The following ETV5 variants were observed in gnomAD, a reference collection of about 807,000 sequenced individuals.
ETV5 encodes the protein ETS variant transcription factor 5, also known as ETS translocation variant 5.
A neutral mutation model predicts 70.0 loss-of-function variants in ETV5; 10 were observed. That is an observed-to-expected ratio of 0.14 (90% CI 0.09 to 0.24). The LOEUF is 0.24. Among genes scored for constraint, ETV5 ranks in the 10% least tolerant of loss-of-function variants. The probability of loss-of-function intolerance (pLI) is 1.00; values close to 1 mark genes in which losing one functional copy is unlikely to be tolerated. For synonymous variants in ETV5, 216 were observed against 242.2 expected (o/e 0.89, Z 1.01); for missense variants, 453 against 651.2 (o/e 0.70, Z 3.31).
Position 186,105,573 on chromosome 3 carries a change from A to C in ETV5, c.133+52T>G. On this transcript the variant is annotated intron_variant, in intron 3 of 12. Coordinates refer to ENST00000306376, the MANE Select transcript of ETV5 (RefSeq NM_004454.3). The surrounding 1 kb of genome is among the most constrained non-coding windows in gnomAD (Gnocchi z 4.5). ...GAAGACAGGGAAGAATCTACACGCT[A>C]CTGTCACTGGGAGCAGGGAAGCCAC... The C allele has an allele frequency of 6.2e-7, 1 of 1,611,112 alleles. No homozygotes were observed. Among genetic ancestry groups the C allele is most frequent in the Non-Finnish European group, 8.5e-7 (1 of 1,177,168 alleles).
chr3:186,085,507 G>A (rs1423430247), intron 5 of ETV5, among the ~76,000 whole-genome samples: 2 of 124,878 alleles, frequency 1.6e-5, no homozygotes, highest in African/African-American at 6.0e-5. Flanking sequence ...AGTAGCCTTC[G>A]TTTTTTTTTT....
intron 1 of ETV5, chr3:186,108,600 C>G (rs1170503571): frequency 2.0e-5 from 24 of 1,226,008 alleles, no homozygotes; most frequent in Admixed American, 2.8e-5. Context: ...TCGGGGCTCT[C>G]GAATCTCCAG....
intron 9 of ETV5, among the ~76,000 whole-genome samples, chr3:186,058,071 T>C (rs1204584402): frequency 6.6e-6 from 1 of 152,208 alleles, no homozygotes; most frequent in African/African-American, 2.4e-5. Flanking sequence ...GGAGAGGATC[T>C]GAAAAGACTT....
At position 186,057,586 on chromosome 3, in the gene ETV5, T is replaced by C; in HGVS notation, c.971-95A>G. The C allele has an allele frequency of 9.4e-7, 1 of 1,068,498 alleles. No homozygotes were observed. Among genetic ancestry groups the C allele is most frequent in the Non-Finnish European group, 1.4e-6 (1 of 690,592 alleles). 66.2% of individuals were successfully genotyped at this position (1,068,498 alleles called of 1,614,324 possible). A position where few individuals can be genotyped will look rare whatever the true frequency, so the allele number is the denominator to read the frequency against. On this transcript the variant is annotated intron_variant, in intron 9 of 12. Coordinates refer to ENST00000306376, the MANE Select transcript of ETV5 (RefSeq NM_004454.3). This position sits in a 1 kb window ranked among gnomAD's most constrained non-coding sequence, Gnocchi z 4.9. ...AAGGACTAGAGTGCAATCCTATCAT[T>C]TCAGATCCTAAGTCCTACTGCTGTA...
In ETV5 at chr3:186,083,846, G is replaced by C. The variant is rs548951489; in HGVS notation, c.233-2671C>G. On this transcript the variant is annotated intron_variant, in intron 5 of 12. Transcript: ENST00000306376. ...ACAAAACATGGCAGGAACAAGAATG[G>C]AAAGTTTCACAGATCTACACTGACA... is the stretch of plus-strand genomic sequence containing the variant. Among the ~76,000 whole-genome samples, 29 of 150,238 alleles carry C rather than the reference G, an allele frequency of 1.9e-4. No individual in the cohort carries two copies. The South Asian group carries it at 2.5e-3, about 13-fold the overall frequency.
chr3:186,064,005 C>T (rs1266451352), intron 9 of ETV5, among the ~76,000 whole-genome samples: 1 of 152,218 alleles, frequency 6.6e-6, no homozygotes, highest in Non-Finnish European at 1.5e-5. Context: ...CCCTCACTGA[C>T]ATAACTCCTA....
Position 186,052,518 on chromosome 3 carries a change from C to A in ETV5, c.1210-387G>T, listed in dbSNP as rs774261889. On this transcript the variant is annotated intron_variant, in intron 11 of 12. Coordinates refer to ENST00000306376, the MANE Select transcript of ETV5 (RefSeq NM_004454.3). This position sits in a 1 kb window ranked among gnomAD's most constrained non-coding sequence, Gnocchi z 4.5. ...GTCAATAAGGAATAATTAGAATGGTCATTCCTGAAACATTAGAAACACACT... is the reference window on the plus strand; with the variant it reads ...GTCAATAAGGAATAATTAGAATGGTAATTCCTGAAACATTAGAAACACACT... 4.6e-5 allele frequency among the ~76,000 whole-genome samples: 7 copies of A among 152,162 alleles called. No homozygotes were observed. The highest frequency in any genetic ancestry group is 1.0e-4 in the Non-Finnish European group (7 of 68,042).
intron 7 of ETV5, among the ~76,000 whole-genome samples, chr3:186,067,414 G>C (rs1713476324): frequency 7.2e-5 from 11 of 152,094 alleles, no homozygotes. Flanking sequence ...CCTTGTGACA[G>C]AGCGAGACTC....
rs377678958 is a variant in ETV5, at chr3:186,047,980, A to G, written c.*659T>C. ...CACACTCAGCCACGTGATTGGGAAG[A>G]GAAAGGGGGCTTGCTCTACTTGGCG... is the stretch of plus-strand genomic sequence containing the variant. On this transcript the variant is annotated 3_prime_UTR_variant, in exon 13 of 13. Transcript: ENST00000306376. The G allele has an allele frequency of 6.9e-5, 16 of 233,456 alleles. No individual in the cohort carries two copies. In the East Asian group the frequency reaches 9.1e-4, roughly 13 times the overall value. 14.5% of individuals were successfully genotyped at this position (233,456 alleles called of 1,614,324 possible). A position where few individuals can be genotyped will look rare whatever the true frequency, so the allele number is the denominator to read the frequency against.
intron 5 of ETV5, among the ~76,000 whole-genome samples, chr3:186,087,560 G>C (rs1714086796): frequency 6.6e-6 from 1 of 152,188 alleles, no homozygotes. Flanking sequence ...TCAAATTTTA[G>C]AAAATCTTTC....
intron 5 of ETV5, among the ~76,000 whole-genome samples, chr3:186,088,914 T>C (rs535667405): frequency 6.6e-6 from 1 of 152,336 alleles, no homozygotes; most frequent in South Asian, 2.1e-4. Flanking sequence ...GGAAAAAAGA[T>C]GTAGATAGGG....
intron 5 of ETV5, among the ~76,000 whole-genome samples, chr3:186,088,751 C>T (rs762614539): frequency 2.0e-5 from 3 of 152,156 alleles, no homozygotes; most frequent in Non-Finnish European, 4.4e-5. Flanking sequence ...CCCTGATTTG[C>T]CCTTAACTTG....
At position 186,052,202 on chromosome 3, in the gene ETV5, C is replaced by T; in HGVS notation, c.1210-71G>A. ...GCCCCATGTTCTCTCCCAATCCCAGCAGAGCCAGTTCTGTAACCTGACTGC... is the reference window on the plus strand; with the variant it reads ...GCCCCATGTTCTCTCCCAATCCCAGTAGAGCCAGTTCTGTAACCTGACTGC... On this transcript the variant is annotated intron_variant, in intron 11 of 12. Transcript: ENST00000306376. This position sits in a 1 kb window ranked among gnomAD's most constrained non-coding sequence, Gnocchi z 4.5. The T allele has an allele frequency of 6.9e-7, 1 of 1,458,212 alleles. No individual in the cohort carries two copies. The highest frequency in any genetic ancestry group is 9.6e-7 in the Non-Finnish European group (1 of 1,041,954). The allele number at this position is 1,458,212 out of a possible 1,614,324, so 90.3% of individuals were successfully genotyped here.
intron 5 of ETV5, chr3:186,095,198 A>C (rs1218739616): frequency 6.6e-6 from 1 of 152,234 alleles, no homozygotes; most frequent in Non-Finnish European, 1.5e-5. Context: ...AACTCATTAG[A>C]GATGACAGGG....
At chr3:186,096,482 C>T (rs1714306134) in intron 5 of ETV5, among the ~76,000 whole-genome samples, 1 of 152,152 alleles carries the variant, frequency 6.6e-6, no homozygotes, top group Non-Finnish European at 1.5e-5. Flanking sequence ...TGGAGAAACA[C>T]AGATATCAGC....
chr3:186,048,283 C>A lies in ETV5; in HGVS notation c.*356G>T, dbSNP rs941029258. On this transcript the variant is annotated 3_prime_UTR_variant, in exon 13 of 13. Transcript: ENST00000306376. Reference sequence around the variant, plus strand: ...GTAAAGGCATTTAGTAGTCCATGATCGATGCAGATTGTCACATACTATGTC... The same window carrying A: ...GTAAAGGCATTTAGTAGTCCATGATAGATGCAGATTGTCACATACTATGTC... 3.0e-6 allele frequency: 1 copy of A among 336,416 alleles called. No homozygotes were observed. Among genetic ancestry groups the A allele is most frequent in the Non-Finnish European group, 5.5e-6 (1 of 180,916 alleles). 20.8% of individuals were successfully genotyped at this position (336,416 alleles called of 1,614,324 possible).
Position 186,057,020 on chromosome 3 carries a change from ACAT to A in ETV5, c.1209+52_1209+54del. The stretch of plus-strand genomic sequence containing the variant: ...GCCTCAATGGAAATCTAAACAAAAA[ACAT>A]CATCAACAACAACAAATCAAAACCC... On this transcript the variant is annotated intron_variant, in intron 11 of 12. Transcript: ENST00000306376. This position sits in a 1 kb window ranked among gnomAD's most constrained non-coding sequence, Gnocchi z 4.9. 1 of 1,579,962 alleles carries A rather than the reference ACAT, an allele frequency of 6.3e-7. No individual in the cohort carries two copies. Among genetic ancestry groups the A allele is most frequent in the Non-Finnish European group, 8.6e-7 (1 of 1,158,190 alleles).
At chr3:186,086,553 T>TA (rs967593761) in intron 5 of ETV5, among the ~76,000 whole-genome samples, 48 of 152,064 alleles carry the variant, frequency 3.2e-4, no homozygotes, top group Non-Finnish European at 6.5e-4. Context: ...GGTCAACATG[T>TA]AAAAAAACTT....
At chr3:186,090,611 A>AGGACAAATAGGTTGTCCAGAACAGCT (rs1273478000) in intron 5 of ETV5, among the ~76,000 whole-genome samples, 2 of 152,262 alleles carry the variant, frequency 1.3e-5, no homozygotes, top group African/African-American at 4.8e-5. Flanking sequence ...AAACACGTTT[A>AGGACAAATAGGTTGTCCAGAACAGCT]GGACAAATAG....
Sources: allele counts gnomAD v4.1 joint callset (sites outside exome capture counted in the v4.1 genomes callset), GRCh38; gene constraint gnomAD v4.1.1; non-coding constraint Gnocchi (gnomAD v3.1); transcripts MANE v1.5; gene names NCBI Gene and HGNC (gene_info 2026-07-23, HGNC 2026-07-21).